SLC2A5: variants seen among roughly 807,000 people sequenced by gnomAD.
SLC2A5 encodes the protein solute carrier family 2, facilitated glucose transporter member 5.
SLC2A5 carries 56 observed loss-of-function variants against 50.3 expected under a neutral mutation model. That is an observed-to-expected ratio of 1.11 (90% CI 0.90 to 1.39). The LOEUF is 1.39. SLC2A5 is among the 40% of genes most tolerant of loss of function. The pLI is 0.00. For synonymous variants in SLC2A5, 269 were observed against 281.9 expected, an observed-to-expected ratio of 0.95 and a Z score of 0.46; for missense variants, 566 against 650.1, an observed-to-expected ratio of 0.87 and a Z score of 1.41.
chr1:9,083,773 C>T (rs1361184190), intron 2 of SLC2A5, among the ~76,000 whole-genome samples: 7 of 151,836 alleles, frequency 4.6e-5, no homozygotes, highest in African/African-American at 1.5e-4. Context: ...TGCAGTGAGC[C>T]GAGATTGCAC....
At position 9,039,736 on chromosome 1, in the gene SLC2A5, C is replaced by G. The variant is rs1426322597; in HGVS notation, c.885+64G>C. 4 of 1,436,380 alleles carry G rather than the reference C, an allele frequency of 2.8e-6. No homozygotes were observed. The East Asian group carries it at 1.2e-4, about 42-fold the overall frequency. 89.0% of individuals were successfully genotyped at this position (1,436,380 alleles called of 1,614,324 possible). A position where few individuals can be genotyped will look rare whatever the true frequency, so the allele number is the denominator to read the frequency against. On this transcript the variant is annotated intron_variant, in intron 7 of 11. Transcript: ENST00000377424. Reference sequence around the variant, plus strand: ...GGCGCCAGGACCCACGCCCGGCGCCCCAGGACCTGCGCCCCGCGCCCCCCG... The same window carrying G: ...GGCGCCAGGACCCACGCCCGGCGCCGCAGGACCTGCGCCCCGCGCCCCCCG...
At position 9,040,008 on chromosome 1, in the gene SLC2A5, C is replaced by A. The variant is rs776019904; in HGVS notation, c.698-21G>T. 6.3e-7 allele frequency: 1 copy of A among 1,596,214 alleles called. No individual in the cohort carries two copies. Among genetic ancestry groups the A allele is most frequent in the Non-Finnish European group, 8.6e-7 (1 of 1,168,354 alleles). ...TAGGGCTGGGGAGAAGCGGCACCGT[C>A]GGACCAGGGCTGGGGAGCAGAACCT... On this transcript the variant is annotated intron_variant, in intron 6 of 11. Transcript: ENST00000377424. The surrounding 1 kb of genome is among the most constrained non-coding windows in gnomAD (Gnocchi z 4.3).
chr1:9,058,370 C>T (rs1192569010), intron 1 of SLC2A5, 120 bp from the exon 2 acceptor site: 4 of 722,300 alleles, frequency 5.5e-6, no homozygotes, highest in Non-Finnish European at 9.7e-6. Flanking sequence ...GAGACTACTC[C>T]ATTCCTTGAA....
chr1:9,084,922 C>G (rs1303903062), intron 2 of SLC2A5: 2 of 152,292 alleles, frequency 1.3e-5, no homozygotes, highest in African/African-American at 2.4e-5. Context: ...CATTTAAGTT[C>G]GAGAAGCTCT....
At chr1:9,068,463 T>C (rs1225632579) in intron 1 of SLC2A5, among the ~76,000 whole-genome samples, 1 of 150,708 alleles carries the variant, frequency 6.6e-6, no homozygotes, top group Admixed American at 6.6e-5. Context: ...TTTTTTTTTT[T>C]TTTTTGAGAT....
chr1:9,076,795 GT>G (rs987502795), intron 2 of SLC2A5, among the ~76,000 whole-genome samples: 45 of 144,266 alleles, frequency 3.1e-4, no homozygotes, highest in Non-Finnish European at 3.8e-4. Flanking sequence ...TGTTTTTTTT[GT>G]TTTTTTTTTT....
intron 2 of SLC2A5, among the ~76,000 whole-genome samples, chr1:9,078,228 A>G (rs1642314375): frequency 6.6e-6 from 1 of 152,124 alleles, no homozygotes; most frequent in Non-Finnish European, 1.5e-5. Flanking sequence ...GACAGTGAGG[A>G]CAACCAGAGG....
rs1156406939 is a variant in SLC2A5 at position 9,077,450 on chromosome 1, C to A, written c.-59+7564G>T. Among the ~76,000 whole-genome samples, 91 of 144,356 alleles carry A rather than the reference C, an allele frequency of 6.3e-4. 1 individual carries two copies. Among genetic ancestry groups the A allele is most frequent in the Admixed American group, 1.8e-3 (25 of 13,892 alleles). 94.7% of individuals were successfully genotyped at this position (144,356 alleles called of 152,430 possible). On this transcript the variant is annotated intron_variant, in intron 2 of 5. Coordinates refer to the SLC2A5 transcript ENST00000464985. The stretch of plus-strand genomic sequence containing the variant: ...AACACAAAAAAACAAAAAAAAAACC[C>A]CCAGAAAAGTCTGGACGCAGTGGCT...
At chr1:9,060,896 C>A (rs1641925654) in intron 1 of SLC2A5, among the ~76,000 whole-genome samples, 1 of 151,328 alleles carries the variant, frequency 6.6e-6, no homozygotes, top group South Asian at 2.1e-4. Context: ...ACAAGACAGA[C>A]AAAAATCCCT....
At position 9,057,444 on chromosome 1, in the gene SLC2A5, T is replaced by C. The variant is rs1399264460; in HGVS notation, c.293+4A>G. The C allele has an allele frequency of 1.2e-6, 2 of 1,607,822 alleles. No individual in the cohort carries two copies. The highest frequency in any genetic ancestry group is 2.2e-5 in the East Asian group (1 of 44,782). ...CAGGGAATTAAAAATTCACCTTCCC[T>C]TACCTGCCAAATTTATTCACCAAGG... On this transcript the variant is annotated splice_donor_region_variant and intron_variant, in intron 3 of 11. Coordinates refer to ENST00000377424, the MANE Select transcript of SLC2A5 (RefSeq NM_003039.3).
At chr1:9,041,091 G>C (rs1331363779) in intron 5 of SLC2A5, 2 of 303,582 alleles carry the variant, frequency 6.6e-6, no homozygotes, top group South Asian at 1.6e-4. Flanking sequence ...TCTACAGAGA[G>C]TGTCTAAGCA....
chr1:9,092,665 A>C (rs1642471489), upstream of SLC2A5, among the ~76,000 whole-genome samples: 1 of 152,164 alleles, frequency 6.6e-6, no homozygotes, highest in Non-Finnish European at 1.5e-5. Context: ...CACAACAAAC[A>C]AACGAGCTTC....
At position 9,040,971 on chromosome 1, in the gene SLC2A5, G is replaced by A. The variant is rs1397682790; in HGVS notation, c.572-782C>T. ...CCAGTCTTCCAATCTCTCTGTACCT[G>A]TGATGCACCTGCAAAATGGGTATGA... On this transcript the variant is annotated intron_variant, in intron 5 of 11. Coordinates refer to ENST00000377424, the MANE Select transcript of SLC2A5 (RefSeq NM_003039.3). The surrounding 1 kb of genome is among the most constrained non-coding windows in gnomAD (Gnocchi z 4.3). 6.3e-6 allele frequency: 1 copy of A among 157,646 alleles called. No homozygotes were observed. 9.8% of individuals were successfully genotyped at this position (157,646 alleles called of 1,614,324 possible). A position where few individuals can be genotyped will look rare whatever the true frequency, so the allele number is the denominator to read the frequency against.
intron 2 of SLC2A5, among the ~76,000 whole-genome samples, chr1:9,083,910 C>T (rs746925226): frequency 2.0e-5 from 3 of 151,846 alleles, no homozygotes; most frequent in African/African-American, 4.8e-5. Flanking sequence ...TTTGGGAGGC[C>T]GAGGCGGGCG....
At chr1:9,076,580 G>A (rs768664888) in intron 2 of SLC2A5, among the ~76,000 whole-genome samples, 6 of 152,132 alleles carry the variant, frequency 3.9e-5, no homozygotes, top group Non-Finnish European at 8.8e-5. Flanking sequence ...TGCTATCAAG[G>A]TGGTGTCTAT....
upstream of SLC2A5, among the ~76,000 whole-genome samples, chr1:9,091,081 A>G (rs1642457389): frequency 6.6e-6 from 1 of 152,196 alleles, no homozygotes. Context: ...ATAAGAAGGG[A>G]CTTACTTTCC....
At chr1:9,077,892 A>C (rs2124474285) in intron 2 of SLC2A5, among the ~76,000 whole-genome samples, 1 of 152,124 alleles carries the variant, frequency 6.6e-6, no homozygotes, top group Non-Finnish European at 1.5e-5. Context: ...TGTGAGAAAG[A>C]ATTCAGGGTG....
At chr1:9,054,684 G>A (rs11121309) in intron 3 of SLC2A5, among the ~76,000 whole-genome samples, 38,520 of 152,066 alleles carry the variant, frequency 0.25, 5,023 homozygotes, top group African/African-American at 0.27. Context: ...CAGCACTTTG[G>A]GAGGCCAAGG....
intron 4 of SLC2A5, among the ~76,000 whole-genome samples, chr1:9,044,597 C>T (rs1213684388): frequency 6.6e-6 from 1 of 152,076 alleles, no homozygotes; most frequent in African/African-American, 2.4e-5. Flanking sequence ...CTCTGTTGCC[C>T]AGGCTGGAGT....
Sources: gnomAD v4.1 joint callset for allele counts (sites outside exome capture counted in the v4.1 genomes callset) on GRCh38, gnomAD v4.1.1 for gene constraint, Gnocchi (gnomAD v3.1) non-coding constraint, MANE v1.5 for transcripts, NCBI Gene and HGNC (gene_info 2026-07-23, HGNC 2026-07-21) for gene names.